Variants in CRHR1 observed in about 807,000 individuals in gnomAD.
The protein encoded by CRHR1 is corticotropin releasing hormone receptor 1, also known as corticotropin-releasing hormone receptor 1.
CRHR1 carries 28 observed loss-of-function variants against 56.0 expected under a neutral mutation model. The ratio of observed to expected loss-of-function variants is 0.50; its 90% CI spans 0.37 to 0.69. The LOEUF is 0.69. CRHR1 is among the 30% of genes least tolerant of loss of function. The probability of loss-of-function intolerance (pLI) is 0.00; values close to 1 mark genes in which losing one functional copy is unlikely to be tolerated. For missense variants in CRHR1, 376 were observed against 548.0 expected (o/e 0.69, Z 3.13); for synonymous variants, 195 against 216.5 (o/e 0.90, Z 0.87).
chr17:45,813,682 A>G (rs943631727), intron 2 of CRHR1, among the ~76,000 whole-genome samples: 3 of 152,230 alleles, frequency 2.0e-5, no homozygotes, highest in African/African-American at 7.2e-5. Context: ...GCATCAAAAG[A>G]TGAGCATTGA....
intron 4 of CRHR1, 137 bp downstream of exon 4, chr17:45,821,577 T>G: frequency 1.2e-6 from 1 of 844,492 alleles, no homozygotes; most frequent in Non-Finnish European, 1.9e-6. Flanking sequence ...ACTGGGGAGC[T>G]GGAGCTGTCA....
chr17:45,822,389 C>T (rs551927109), intron 4 of CRHR1, among the ~76,000 whole-genome samples: 1 of 152,350 alleles, frequency 6.6e-6, no homozygotes, highest in South Asian at 2.1e-4. Context: ...CACCCTGTCT[C>T]CTTTCCCACC....
intron 1 of CRHR1, among the ~76,000 whole-genome samples, chr17:45,789,295 A>G (rs1362619467): frequency 2.6e-5 from 4 of 152,224 alleles, no homozygotes; most frequent in Admixed American, 6.5e-5. Flanking sequence ...TTAATAGTCA[A>G]ACAATGAATT....
At chr17:45,815,279 G>A (rs1381055947) in intron 2 of CRHR1, among the ~76,000 whole-genome samples, 1 of 152,170 alleles carries the variant, frequency 6.6e-6, no homozygotes, top group Non-Finnish European at 1.5e-5. Flanking sequence ...TCAGAGGGAG[G>A]CACTAAAAGG....
intron 1 of CRHR1, among the ~76,000 whole-genome samples, chr17:45,798,984 G>A (rs1007937446): frequency 1.3e-5 from 2 of 152,228 alleles, no homozygotes; most frequent in African/African-American, 4.8e-5. Context: ...CCTTGAGATG[G>A]GAACTGGTTG....
At chr17:45,808,387 G>T (rs1324475383) in intron 2 of CRHR1, among the ~76,000 whole-genome samples, 1 of 152,128 alleles carries the variant, frequency 6.6e-6, no homozygotes, top group Non-Finnish European at 1.5e-5. Context: ...CTTGGAGAAG[G>T]CACACTGGGT....
At chr17:45,821,786 C>T (rs928458669) in intron 4 of CRHR1, among the ~76,000 whole-genome samples, 6 of 152,216 alleles carry the variant, frequency 3.9e-5, no homozygotes, top group Non-Finnish European at 5.9e-5. Context: ...GAGTCCCACC[C>T]TTTTCCACAA....
At chr17:45,806,335 T>C (rs1892950993) in intron 1 of CRHR1, among the ~76,000 whole-genome samples, 1 of 152,184 alleles carries the variant, frequency 6.6e-6, no homozygotes, top group South Asian at 2.1e-4. Flanking sequence ...TGTCCATCTT[T>C]CCAGACACAT....
Position 45,821,437 on chromosome 17 carries a change from G to A in CRHR1, c.324G>A (p.Glu108=). The part of the protein sequence containing the change: ...NYSECQEILN[E]EKKSKVHYHV... ...CCGAGTGCCAGGAGATCCTCAATGAGGAGGTGAGGCTGAGCCGAACAAGGC... is the reference window on the plus strand; with the variant it reads ...CCGAGTGCCAGGAGATCCTCAATGAAGAGGTGAGGCTGAGCCGAACAAGGC... Residue 108 remains glutamate, a synonymous_variant, in exon 4 of 13, where the codon GAG becomes GAA. Transcript: ENST00000314537. 1 of 1,612,350 alleles carries A rather than the reference G, an allele frequency of 6.2e-7. No individual in the cohort carries two copies. The highest frequency in any genetic ancestry group is 8.5e-7 in the Non-Finnish European group (1 of 1,180,014).
intron 1 of CRHR1, among the ~76,000 whole-genome samples, chr17:45,786,595 G>A (rs2061339974): frequency 1.3e-5 from 2 of 148,348 alleles, no homozygotes; most frequent in Non-Finnish European, 3.0e-5. Context: ...CAGACACTCT[G>A]ATAAAAGGCT....
intron 1 of CRHR1, among the ~76,000 whole-genome samples, chr17:45,798,347 G>A (rs1358439446): frequency 1.3e-5 from 2 of 152,012 alleles, no homozygotes; most frequent in African/African-American, 2.4e-5. Context: ...CCAACATGGC[G>A]AAACCCCATC....
In CRHR1 at chr17:45,817,376, G is replaced by A. The variant is rs78779660; in HGVS notation, c.241+794G>A. Reference sequence around the variant, plus strand: ...TCCCTGCAATTGGGGCCTCCTGTGTGCACCCTTGGGTCCTTGTGGTCTTGA... The same window carrying A: ...TCCCTGCAATTGGGGCCTCCTGTGTACACCCTTGGGTCCTTGTGGTCTTGA... On this transcript the variant is annotated intron_variant, in intron 3 of 12. Coordinates refer to ENST00000314537, the MANE Select transcript of CRHR1 (RefSeq NM_004382.5). 1.4e-3 allele frequency among the ~76,000 whole-genome samples: 219 copies of A among 152,298 alleles called. 3 individuals are homozygous for A. The East Asian group carries it at 0.033, about 23-fold the overall frequency.
chr17:45,813,240 C>T (rs1568049825), intron 2 of CRHR1, among the ~76,000 whole-genome samples: 1 of 152,224 alleles, frequency 6.6e-6, no homozygotes, highest in African/African-American at 2.4e-5. Context: ...TGCCCTTGTC[C>T]TCTAGGTCCC....
intron 5 of CRHR1, 68 bp from the exon 6 acceptor site, chr17:45,830,026 T>G: frequency 6.2e-7 from 1 of 1,601,672 alleles, no homozygotes; most frequent in Non-Finnish European, 8.5e-7. Flanking sequence ...GCTGGGGTGA[T>G]GGAGGTGGCC....
chr17:45,784,855 A>G lies in CRHR1; in HGVS notation c.33+278A>G, dbSNP rs1443626647. Among the ~76,000 whole-genome samples the G allele has an allele frequency of 1.3e-5, 2 of 152,152 alleles. No individual in the cohort carries two copies. The highest frequency in any genetic ancestry group is 4.8e-5 in the African/African-American group (2 of 41,452). ...CACCCGGGTAGCCGGCTCCGCGCCA[A>G]GAATCGCTCTAGGCTCTCGGGCAGA... On this transcript the variant is annotated intron_variant, in intron 1 of 12. Coordinates refer to ENST00000314537, the MANE Select transcript of CRHR1 (RefSeq NM_004382.5). This position sits in a 1 kb window ranked among gnomAD's most constrained non-coding sequence, Gnocchi z 4.2.
At position 45,798,791 on chromosome 17, in the gene CRHR1, G is replaced by A. The variant is rs533568593; in HGVS notation, c.34-8219G>A. Among the ~76,000 whole-genome samples, 343 of 152,284 alleles carry A rather than the reference G, an allele frequency of 2.3e-3. 2 individuals are homozygous for A. Among genetic ancestry groups the A allele is most frequent in the Non-Finnish European group, 2.3e-3 (157 of 68,014 alleles). On this transcript the variant is annotated intron_variant, in intron 1 of 12. Coordinates refer to ENST00000314537, the MANE Select transcript of CRHR1 (RefSeq NM_004382.5). Reference sequence around the variant, plus strand: ...AGCCGGGGCCCCAGGGAGAAAGGCCGGGGGCGGGGAACACCCAGGCTTCCC... The same window carrying A: ...AGCCGGGGCCCCAGGGAGAAAGGCCAGGGGCGGGGAACACCCAGGCTTCCC...
chr17:45,797,144 C>G (rs927073824), intron 1 of CRHR1, among the ~76,000 whole-genome samples: 1 of 152,084 alleles, frequency 6.6e-6, no homozygotes, highest in Non-Finnish European at 1.5e-5. Flanking sequence ...CCTGAGTGGG[C>G]AGGGGGCTGG....
At position 45,834,909 on chromosome 17, in the gene CRHR1, C is replaced by G. The variant is rs1015846764; in HGVS notation, c.*145C>G. On this transcript the variant is annotated 3_prime_UTR_variant, in exon 13 of 13. Transcript: ENST00000314537. ...AGCTGGCACTGACAGCCTGGGGGGG[C>G]CGCTCTCCCCCTGCAGCCGTGCAGG... is the stretch of plus-strand genomic sequence containing the variant. 4.3e-5 allele frequency: 47 copies of G among 1,085,074 alleles called. No individual in the cohort carries two copies. The highest frequency in any genetic ancestry group is 5.2e-5 in the East Asian group (2 of 38,580). 67.2% of individuals were successfully genotyped at this position (1,085,074 alleles called of 1,614,324 possible). A position where few individuals can be genotyped will look rare whatever the true frequency, so the allele number is the denominator to read the frequency against.
intron 8 of CRHR1, among the ~76,000 whole-genome samples, chr17:45,832,897 CTGCCCCGGTGCT>C (rs1175007134): frequency 3.3e-5 from 5 of 152,268 alleles, no homozygotes; most frequent in African/African-American, 1.2e-4. Flanking sequence ...TGTCTACCTC[CTGCCCCGGTGCT>C]TGCTTCCAAC....
Sources: allele counts gnomAD v4.1 joint callset (sites outside exome capture counted in the v4.1 genomes callset), GRCh38; gene constraint gnomAD v4.1.1; non-coding constraint Gnocchi (gnomAD v3.1); transcripts MANE v1.5; gene names NCBI Gene and HGNC (gene_info 2026-07-23, HGNC 2026-07-21).